The following KCNT2 variants were observed in gnomAD, a reference collection of about 807,000 sequenced individuals.
KCNT2 encodes potassium channel subfamily T member 2.
A neutral mutation model predicts 153.8 loss-of-function variants in KCNT2; 67 were observed. That is an observed-to-expected ratio of 0.44 (90% CI 0.36 to 0.53). The LOEUF (loss-of-function observed/expected upper bound fraction) is 0.53, where lower values mean the gene tolerates loss of function less well. Among genes scored for constraint, KCNT2 ranks in the 20% least tolerant of loss-of-function variants. The pLI, the probability that KCNT2 is intolerant of heterozygous loss-of-function variation, is 0.00. For synonymous variants in KCNT2, 500 were observed against 458.8 expected, an observed-to-expected ratio of 1.09 and a Z score of -1.15; for missense variants, 975 against 1,354.8, an observed-to-expected ratio of 0.72 and a Z score of 4.40.
chr1:196,333,140 A>C (rs1022899046), intron 17 of KCNT2, among the ~76,000 whole-genome samples: 5 of 150,980 alleles, frequency 3.3e-5, no homozygotes, highest in African/African-American at 4.9e-5. Context: ...TCACTTGTAC[A>C]CAACCAATAT....
At chr1:196,340,130 A>G (rs1295806761) in intron 16 of KCNT2, among the ~76,000 whole-genome samples, 1 of 152,002 alleles carries the variant, frequency 6.6e-6, no homozygotes, top group African/African-American at 2.4e-5. Flanking sequence ...TATTATAGAC[A>G]TATGCCACCA....
chr1:196,525,781 A>ACTTTCTTAG, intron 1 of KCNT2, among the ~76,000 whole-genome samples: 1 of 152,192 alleles, frequency 6.6e-6, no homozygotes, highest in Non-Finnish European at 1.5e-5. Context: ...AAGTGTGAAA[A>ACTTTCTTAG]CTTTCTTAGC....
intron 1 of KCNT2, among the ~76,000 whole-genome samples, chr1:196,495,293 CTCTT>C (rs1263435902): frequency 1.3e-5 from 2 of 151,096 alleles, no homozygotes; most frequent in African/African-American, 4.9e-5. Flanking sequence ...TTAATGATAA[CTCTT>C]TCTAGCAGCA....
At chr1:196,312,169 A>C (rs1466457107) in intron 21 of KCNT2, among the ~76,000 whole-genome samples, 2 of 151,728 alleles carry the variant, frequency 1.3e-5, no homozygotes, top group African/African-American at 4.8e-5. Flanking sequence ...AGAGAGGTAC[A>C]ACAGGATCTA....
At position 196,307,001 on chromosome 1, in the gene KCNT2, T is replaced by A. The variant is rs549956811; in HGVS notation, c.2484-1656A>T. On this transcript the variant is annotated intron_variant, in intron 21 of 27. Coordinates refer to ENST00000294725, the MANE Select transcript of KCNT2 (RefSeq NM_198503.5). Reference sequence around the variant, plus strand: ...ACTGTAGTTATTGATTCAGGTAAATTGTAGTAATTGTTATTAAAATAATAT... The same window carrying A: ...ACTGTAGTTATTGATTCAGGTAAATAGTAGTAATTGTTATTAAAATAATAT... 2.6e-5 allele frequency among the ~76,000 whole-genome samples: 4 copies of A among 152,200 alleles called. No homozygotes were observed. In the South Asian group the frequency reaches 8.3e-4, roughly 31 times the overall value.
At chr1:196,410,674 G>C (rs1209664971) in intron 12 of KCNT2, among the ~76,000 whole-genome samples, 1 of 150,110 alleles carries the variant, frequency 6.7e-6, no homozygotes, top group East Asian at 2.0e-4. Context: ...ACTTTCACTG[G>C]GTGCTTACTA....
At chr1:196,252,154 C>A (rs1209358216) in intron 26 of KCNT2, among the ~76,000 whole-genome samples, 2 of 151,472 alleles carry the variant, frequency 1.3e-5, no homozygotes, top group Non-Finnish European at 3.0e-5. Context: ...TAAAAAAATT[C>A]TTCTTTTAAT....
At chr1:196,386,458 A>G (rs1312032566) in intron 13 of KCNT2, among the ~76,000 whole-genome samples, 2 of 152,286 alleles carry the variant, frequency 1.3e-5, no homozygotes, top group South Asian at 4.1e-4. Flanking sequence ...GCCCTTGCAC[A>G]GGAAGCACTA....
chr1:196,258,551 G>T (rs1281550314), intron 25 of KCNT2, 57 bp from the exon 26 acceptor site: 2 of 1,202,058 alleles, frequency 1.7e-6, no homozygotes, highest in African/African-American at 1.5e-5. Context: ...ATGGCTTGAA[G>T]TTGAAATAAT....
chr1:196,303,072 T>A (rs1661332502), intron 22 of KCNT2, among the ~76,000 whole-genome samples: 1 of 152,044 alleles, frequency 6.6e-6, no homozygotes, highest in Non-Finnish European at 1.5e-5. Flanking sequence ...TGGAGCATTT[T>A]CTTTAGAAAA....
intron 8 of KCNT2, among the ~76,000 whole-genome samples, chr1:196,437,651 ATC>A: frequency 6.6e-6 from 1 of 150,904 alleles, no homozygotes; most frequent in East Asian, 2.0e-4. Context: ...GCAAATGAAT[ATC>A]TTTTTAGTAT....
At chr1:196,588,892 CATTT>C (rs1271233323) in intron 1 of KCNT2, among the ~76,000 whole-genome samples, 12 of 151,614 alleles carry the variant, frequency 7.9e-5, no homozygotes, top group Non-Finnish European at 1.5e-4. Context: ...AGGGTAATTT[CATTT>C]ATTTTAGTAA....
At chr1:196,432,663 C>T (rs1160359528) in intron 8 of KCNT2, among the ~76,000 whole-genome samples, 2 of 152,092 alleles carry the variant, frequency 1.3e-5, no homozygotes. Flanking sequence ...CTATCCCATG[C>T]CTGTCTCACC....
intron 16 of KCNT2, among the ~76,000 whole-genome samples, chr1:196,336,094 A>G (rs547823502): frequency 3.3e-5 from 5 of 152,102 alleles, no homozygotes; most frequent in African/African-American, 7.2e-5. Flanking sequence ...GAATACACCC[A>G]GACAGTTTAG....
At chr1:196,460,941 A>G (rs1250334818) in intron 8 of KCNT2, among the ~76,000 whole-genome samples, 1 of 151,804 alleles carries the variant, frequency 6.6e-6, no homozygotes, top group Non-Finnish European at 1.5e-5. Context: ...CCATAGCAGG[A>G]AGAATAAGGA....
In KCNT2 at chr1:196,589,478, A is replaced by C. The variant is rs539313700; in HGVS notation, c.95+18737T>G. Reference sequence around the variant, plus strand: ...TATTTGAATAGTTTATTAGCAAATAAATTTTCTAAGTTTAAGCATAACATT... The same window carrying C: ...TATTTGAATAGTTTATTAGCAAATACATTTTCTAAGTTTAAGCATAACATT... On this transcript the variant is annotated intron_variant, in intron 1 of 27. Transcript: ENST00000294725. 1.2e-4 allele frequency among the ~76,000 whole-genome samples: 19 copies of C among 152,186 alleles called. No individual in the cohort carries two copies. In the East Asian group the frequency reaches 3.7e-3, roughly 29 times the overall value.
chr1:196,602,625 A>C (rs1447180931), intron 1 of KCNT2, among the ~76,000 whole-genome samples: 2 of 152,196 alleles, frequency 1.3e-5, no homozygotes, highest in African/African-American at 2.4e-5. Context: ...TTTTATTTAT[A>C]AGAATTGGTT....
chr1:196,287,142 C>T lies in KCNT2; in HGVS notation c.2596-1384G>A, dbSNP rs558695560. ...GAAGGTAAGGCAAAGGATAGGAAAG[C>T]GGTTCCACATTTTTGTCTATGTCTA... On this transcript the variant is annotated intron_variant, in intron 22 of 27. Coordinates refer to ENST00000294725, the MANE Select transcript of KCNT2 (RefSeq NM_198503.5). 5.5e-4 allele frequency among the ~76,000 whole-genome samples: 83 copies of T among 152,134 alleles called. No homozygotes were observed. The South Asian group carries it at 7.3e-3, about 13-fold the overall frequency.
intron 1 of KCNT2, among the ~76,000 whole-genome samples, chr1:196,582,923 T>G (rs1185740799): frequency 6.6e-6 from 1 of 151,990 alleles, no homozygotes; most frequent in Non-Finnish European, 1.5e-5. Flanking sequence ...TTATACAGGA[T>G]TATAAAATAC....
Sources: gnomAD v4.1 joint callset for allele counts (sites outside exome capture counted in the v4.1 genomes callset) on GRCh38, gnomAD v4.1.1 for gene constraint, MANE v1.5 for transcripts, NCBI Gene and HGNC (gene_info 2026-07-23, HGNC 2026-07-21) for gene names.